ARHGAP24: variants seen among roughly 807,000 people sequenced by gnomAD.
The protein encoded by ARHGAP24 is rho GTPase-activating protein 24.
A neutral mutation model predicts 76.4 loss-of-function variants in ARHGAP24; 50 were observed. The observed-to-expected ratio is 0.65, with a 90% CI of 0.52 to 0.83. ARHGAP24 has a LOEUF of 0.83. Among genes scored for constraint, ARHGAP24 ranks in the 40% least tolerant of loss-of-function variants. The pLI, the probability that ARHGAP24 is intolerant of heterozygous loss-of-function variation, is 0.00. For missense variants in ARHGAP24, 930 were observed against 914.2 expected, an observed-to-expected ratio of 1.02 and a Z score of -0.22; for synonymous variants, 345 against 323.3, an observed-to-expected ratio of 1.07 and a Z score of -0.72.
chr4:85,683,107 T>TTG (rs1553922556), intron 2 of ARHGAP24, among the ~76,000 whole-genome samples: 1 of 12,844 alleles, frequency 7.8e-5, no homozygotes, highest in Non-Finnish European at 1.7e-4. Context: ...TCTCTCAGTG[T>TTG]GTGGGGGGGT....
intron 3 of ARHGAP24, among the ~76,000 whole-genome samples, chr4:85,845,444 C>T (rs921101070): frequency 1.8e-4 from 27 of 152,268 alleles, no homozygotes; most frequent in Middle Eastern, 3.4e-3. Flanking sequence ...CTCATCCTAA[C>T]TGAAGTCTTA....
At chr4:85,548,322 G>A (rs996646043) in intron 1 of ARHGAP24, among the ~76,000 whole-genome samples, 5 of 152,118 alleles carry the variant, frequency 3.3e-5, no homozygotes, top group Admixed American at 2.6e-4. Flanking sequence ...AGGTGTACTC[G>A]TTGCTACTGA....
intron 1 of ARHGAP24, among the ~76,000 whole-genome samples, chr4:85,561,734 A>G (rs1168974711): frequency 2.6e-5 from 4 of 152,092 alleles, no homozygotes; most frequent in Non-Finnish European, 5.9e-5. Context: ...GGAGGTGTTC[A>G]TGCATTCGAC....
At chr4:85,684,928 T>C (rs1329731065) in intron 2 of ARHGAP24, among the ~76,000 whole-genome samples, 2 of 151,784 alleles carry the variant, frequency 1.3e-5, no homozygotes, top group Admixed American at 1.3e-4. Flanking sequence ...TAACACTCTG[T>C]AGATGTTTAC....
chr4:85,816,673 G>A (rs767876160), intron 3 of ARHGAP24, among the ~76,000 whole-genome samples: 2 of 152,106 alleles, frequency 1.3e-5, no homozygotes, highest in Non-Finnish European at 2.9e-5. Context: ...TCCATCAGTA[G>A]ACACTGAGGT....
At chr4:85,855,772 G>GAAAAAAAA (rs11406317) in intron 3 of ARHGAP24, among the ~76,000 whole-genome samples, 3 of 140,812 alleles carry the variant, frequency 2.1e-5, no homozygotes, top group African/African-American at 2.6e-5. Context: ...AAGCAAAAAA[G>GAAAAAAAA]AAAAAAAAAA....
rs768638594 is a variant in ARHGAP24, at chr4:85,496,772, A to G, written c.-21+21213A>G. ...GAGTTTTGTAGATGTCTAACTACGG[A>G]CACTAGCACCCATACTTTGGTGACA... On this transcript the variant is annotated intron_variant, in intron 1 of 9. Transcript: ENST00000395184. 6.6e-5 allele frequency among the ~76,000 whole-genome samples: 10 copies of G among 152,252 alleles called. 1 individual carries two copies. The highest frequency in any genetic ancestry group is 1.2e-4 in the Non-Finnish European group (8 of 68,050).
chr4:85,673,613 G>C (rs548848132), intron 2 of ARHGAP24, among the ~76,000 whole-genome samples: 365 of 150,298 alleles, frequency 2.4e-3, no homozygotes, highest in Non-Finnish European at 4.4e-3. Context: ...CTAGAAAAGA[G>C]CTTGGAGATC....
chr4:85,876,969 C>T (rs1732971265), intron 3 of ARHGAP24, among the ~76,000 whole-genome samples: 1 of 152,114 alleles, frequency 6.6e-6, no homozygotes, highest in African/African-American at 2.4e-5. Flanking sequence ...TGAAGCTGAC[C>T]TGTTTTTGAT....
intron 2 of ARHGAP24, among the ~76,000 whole-genome samples, chr4:85,651,804 C>G (rs28483433): frequency 0.39 from 57,432 of 148,924 alleles, 12,655 homozygotes; most frequent in East Asian, 0.84. Context: ...ATGATTTCCT[C>G]TTATTAGATA....
At chr4:85,515,162 C>A (rs1724446360) in intron 1 of ARHGAP24, among the ~76,000 whole-genome samples, 1 of 152,068 alleles carries the variant, frequency 6.6e-6, no homozygotes, top group Admixed American at 6.6e-5. Context: ...AGTCACCCTG[C>A]ATGCATGGGC....
intron 3 of ARHGAP24, among the ~76,000 whole-genome samples, chr4:85,870,460 T>TA (rs1368059277): frequency 2.0e-5 from 3 of 152,174 alleles, no homozygotes; most frequent in Admixed American, 6.6e-5. Context: ...TTTCATCACT[T>TA]ATCTGCAAAA....
intron 2 of ARHGAP24, among the ~76,000 whole-genome samples, chr4:85,589,349 G>A (rs1578059498): frequency 6.6e-6 from 1 of 152,256 alleles, no homozygotes; most frequent in African/African-American, 2.4e-5. Context: ...TTCTTGAAAT[G>A]TGTATTTTAT....
intron 5 of ARHGAP24, among the ~76,000 whole-genome samples, chr4:85,946,755 A>G (rs925177256): frequency 5.3e-5 from 8 of 152,094 alleles, no homozygotes; most frequent in Non-Finnish European, 1.0e-4. Context: ...GGTTGATTTC[A>G]TGTCTTTACT....
intron 2 of ARHGAP24, among the ~76,000 whole-genome samples, chr4:85,701,620 A>G (rs1161332705): frequency 1.3e-5 from 2 of 152,188 alleles, no homozygotes; most frequent in Non-Finnish European, 2.9e-5. Flanking sequence ...TGTCACAAAT[A>G]CAAAAGCCTG....
rs185134373 is a variant in ARHGAP24 at position 85,706,226 on chromosome 4, A to T, written c.181-15659A>T. Among the ~76,000 whole-genome samples, 51 of 152,272 alleles carry T rather than the reference A, an allele frequency of 3.3e-4. 1 individual carries two copies. Among genetic ancestry groups the T allele is most frequent in the Admixed American group, 2.3e-3 (35 of 15,296 alleles). On this transcript the variant is annotated intron_variant, in intron 2 of 9. Transcript: ENST00000395184. ...ATTGTTAGAGAAATTCTTTTTTTTG[A>T]TGGACCTCCAATCTGTTAAATGTTA...
chr4:85,866,205 G>A, intron 3 of ARHGAP24, among the ~76,000 whole-genome samples: 1 of 152,096 alleles, frequency 6.6e-6, no homozygotes, highest in East Asian at 1.9e-4. Flanking sequence ...GAGGCACAAA[G>A]CTGTTTTATC....
intron 1 of ARHGAP24, among the ~76,000 whole-genome samples, chr4:85,497,174 C>A (rs940193649): frequency 4.6e-5 from 7 of 152,168 alleles, no homozygotes; most frequent in African/African-American, 1.2e-4. Context: ...ACCAACTGAG[C>A]TTATTAGTCA....
rs183828096 is a variant in ARHGAP24, at chr4:85,851,961, T to C, written c.269-71687T>C. Among the ~76,000 whole-genome samples, 313 of 152,228 alleles carry C rather than the reference T, an allele frequency of 2.1e-3. 3 individuals carry two copies. Among genetic ancestry groups the C allele is most frequent in the African/African-American group, 7.1e-3 (294 of 41,516 alleles). ...CTCTTCTCAAGGAGTGTCTTTGTAG[T>C]GTTCTCTGTATTTCTTGAATTTGAA... On this transcript the variant is annotated intron_variant, in intron 3 of 9. Coordinates refer to ENST00000395184, the MANE Select transcript of ARHGAP24 (RefSeq NM_001025616.3).
Sources: allele counts gnomAD v4.1 joint callset (sites outside exome capture counted in the v4.1 genomes callset), GRCh38; gene constraint gnomAD v4.1.1; transcripts MANE v1.5; gene names NCBI Gene and HGNC (gene_info 2026-07-23, HGNC 2026-07-21).